AKAIN1: variants seen among roughly 807,000 people sequenced by gnomAD.
AKAIN1 encodes A-kinase anchor protein inhibitor 1.
A neutral mutation model predicts 3.7 loss-of-function variants in AKAIN1; 3 were observed. That is an observed-to-expected ratio of 0.82 (90% CI 0.37 to 2.12). The LOEUF is 2.12. AKAIN1 is among the 30% of genes most tolerant of loss of function. The pLI is 0.06. For missense variants in AKAIN1, 82 were observed against 82.7 expected (o/e 0.99, Z 0.03); for synonymous variants, 31 against 30.8 (o/e 1.01, Z -0.02).
intron 1 of AKAIN1, among the ~76,000 whole-genome samples, chr18:5,192,445 CTTT>C (rs766762812): frequency 7.9e-6 from 1 of 126,156 alleles, no homozygotes; most frequent in Admixed American, 8.1e-5. Context: ...TTCTTTCTTT[CTTT>C]TTCTTTTCTT....
chr18:5,193,556 T>C (rs1170472011), intron 1 of AKAIN1, among the ~76,000 whole-genome samples: 1 of 152,242 alleles, frequency 6.6e-6, no homozygotes, highest in East Asian at 1.9e-4. Context: ...TCTGGAATTC[T>C]TTGGGTGAAA....
At chr18:5,151,377 C>T (rs1054554103) in intron 1 of AKAIN1, among the ~76,000 whole-genome samples, 13 of 152,132 alleles carry the variant, frequency 8.5e-5, no homozygotes, top group African/African-American at 2.4e-4. Flanking sequence ...TCATCTACAC[C>T]AACTGCAAAT....
At chr18:5,182,914 C>A (rs943832544) in intron 1 of AKAIN1, among the ~76,000 whole-genome samples, 2 of 152,062 alleles carry the variant, frequency 1.3e-5, no homozygotes, top group African/African-American at 2.4e-5. Flanking sequence ...TATCCTCTAA[C>A]TCTGAAGAAA....
intron 1 of AKAIN1, among the ~76,000 whole-genome samples, chr18:5,158,334 G>T (rs945117580): frequency 1.3e-5 from 2 of 152,174 alleles, no homozygotes; most frequent in Non-Finnish European, 2.9e-5. Flanking sequence ...AGCAGCTGAG[G>T]AGACACTCCT....
chr18:5,181,983 C>T (rs537786652), intron 1 of AKAIN1, among the ~76,000 whole-genome samples: 6 of 152,200 alleles, frequency 3.9e-5, no homozygotes, highest in African/African-American at 9.6e-5. Context: ...TGTACTTACA[C>T]GTTCATCCTC....
chr18:5,174,492 G>C (rs953889366), intron 1 of AKAIN1, among the ~76,000 whole-genome samples: 1 of 152,140 alleles, frequency 6.6e-6, no homozygotes, highest in African/African-American at 2.4e-5. Context: ...TGTAATCTCA[G>C]AACTTTGGGA....
At chr18:5,171,474 G>T (rs1415343834) in intron 1 of AKAIN1, among the ~76,000 whole-genome samples, 1 of 151,934 alleles carries the variant, frequency 6.6e-6, no homozygotes, top group Non-Finnish European at 1.5e-5. Context: ...TATATAAGGA[G>T]CTCAAACAAC....
rs563308937 is a variant in AKAIN1, at chr18:5,175,058, T to C, written c.16+21980A>G. Reference sequence around the variant, plus strand: ...ACACTCAGAGGCACTCTGTGCTTGGTTTAATGTTCTGCCATTGCTGTCTTA... The same window carrying C: ...ACACTCAGAGGCACTCTGTGCTTGGCTTAATGTTCTGCCATTGCTGTCTTA... On this transcript the variant is annotated intron_variant, in intron 1 of 1. Transcript: ENST00000434239. Among the ~76,000 whole-genome samples the C allele has an allele frequency of 1.8e-3, 272 of 152,226 alleles. 2 individuals are homozygous for C. Among genetic ancestry groups the C allele is most frequent in the African/African-American group, 6.2e-3 (257 of 41,540 alleles).
chr18:5,197,242 G>A lies in AKAIN1; in HGVS notation c.-189C>T. The A allele has an allele frequency of 7.2e-7, 1 of 1,383,772 alleles. No homozygotes were observed. The highest frequency in any genetic ancestry group is 1.7e-5 in the South Asian group (1 of 59,202). 85.7% of individuals were successfully genotyped at this position (1,383,772 alleles called of 1,614,324 possible). On this transcript the variant is annotated 5_prime_UTR_variant, in exon 1 of 2. Coordinates refer to ENST00000434239, the MANE Select transcript of AKAIN1 (RefSeq NM_001145194.2). The surrounding 1 kb of genome is among the most constrained non-coding windows in gnomAD (Gnocchi z 6.9). ...GCCGCAGCTCCAGCCGCCGCCGCGC[G>A]CTCTGCCTCCACAATGCGGCCACAG...
chr18:5,156,535 AC>A (rs1361571635), intron 1 of AKAIN1, among the ~76,000 whole-genome samples: 7 of 152,200 alleles, frequency 4.6e-5, no homozygotes, highest in African/African-American at 1.2e-4. Flanking sequence ...ACAGCTCCCA[AC>A]CTTTTGAAGA....
intron 1 of AKAIN1, among the ~76,000 whole-genome samples, chr18:5,169,364 T>C (rs1250955459): frequency 6.6e-6 from 1 of 152,034 alleles, no homozygotes; most frequent in Non-Finnish European, 1.5e-5. Flanking sequence ...CCTAGCCAAG[T>C]TGACACAAAA....
At chr18:5,169,106 A>T (rs2071183376) in intron 1 of AKAIN1, among the ~76,000 whole-genome samples, 1 of 152,056 alleles carries the variant, frequency 6.6e-6, no homozygotes. Flanking sequence ...CTTGAGCCTG[A>T]ATTCCTCAGG....
intron 1 of AKAIN1, among the ~76,000 whole-genome samples, chr18:5,162,613 T>C (rs2071145801): frequency 7.1e-6 from 1 of 140,468 alleles, no homozygotes; most frequent in South Asian, 2.3e-4. Context: ...CTATGAAGAG[T>C]TCAATGTGAT....
At chr18:5,158,967 A>C (rs1476525638) in intron 1 of AKAIN1, among the ~76,000 whole-genome samples, 1 of 152,196 alleles carries the variant, frequency 6.6e-6, no homozygotes, top group East Asian at 1.9e-4. Context: ...TTCACCTACA[A>C]ATAGGATAAA....
intron 1 of AKAIN1, among the ~76,000 whole-genome samples, chr18:5,192,385 T>TTTTCTTTCTCTCTTTCTTTCTTTC (rs2071323504): frequency 9.3e-6 from 1 of 106,990 alleles, no homozygotes; most frequent in Non-Finnish European, 1.9e-5. Flanking sequence ...ACAGAGCTAA[T>TTTTCTTTCTCTCTTTCTTTCTTTC]TTTCTTTCTT....
In AKAIN1 at chr18:5,145,198, A is replaced by C. The variant is rs941970981; in HGVS notation, c.*364T>G. On this transcript the variant is annotated 3_prime_UTR_variant, in exon 2 of 2. Transcript: ENST00000434239. ...TCAGTACTGTATTCAGTATTTCAGC[A>C]AAAAGGCTGCTTGTTAAATTCACAG... 2.7e-5 allele frequency: 5 copies of C among 184,892 alleles called. No individual in the cohort carries two copies. Among genetic ancestry groups the C allele is most frequent in the Non-Finnish European group, 4.6e-5 (4 of 87,422 alleles). The allele number at this position is 184,892 out of a possible 1,614,324, so 11.5% of individuals were successfully genotyped here.
intron 1 of AKAIN1, among the ~76,000 whole-genome samples, chr18:5,146,826 C>T (rs1025771112): frequency 2.6e-5 from 4 of 152,180 alleles, no homozygotes; most frequent in African/African-American, 7.2e-5. Context: ...TTCAATAAAA[C>T]TTTATTTACA....
chr18:5,173,318 T>C lies in AKAIN1; in HGVS notation c.16+23720A>G, dbSNP rs186443889. On this transcript the variant is annotated intron_variant, in intron 1 of 1. Transcript: ENST00000434239. ...GTTACATTTTATAGCTTTCCAAATT[T>C]CTGTAATTTTTTTCCAAATCATTGA... 2.6e-5 allele frequency among the ~76,000 whole-genome samples: 4 copies of C among 152,306 alleles called. No individual in the cohort carries two copies. The East Asian group carries it at 5.8e-4, about 22-fold the overall frequency.
chr18:5,182,932 G>A (rs899544833), intron 1 of AKAIN1, among the ~76,000 whole-genome samples: 1 of 151,984 alleles, frequency 6.6e-6, no homozygotes, highest in African/African-American at 2.4e-5. Context: ...AAAAGGTGCT[G>A]GACATACGGA....
Sources: allele counts gnomAD v4.1 joint callset (sites outside exome capture counted in the v4.1 genomes callset), GRCh38; gene constraint gnomAD v4.1.1; non-coding constraint Gnocchi (gnomAD v3.1); transcripts MANE v1.5; gene names NCBI Gene and HGNC (gene_info 2026-07-23, HGNC 2026-07-21).